Variants in SAMD3 observed in about 807,000 individuals in gnomAD.
The protein encoded by SAMD3 is sterile alpha motif domain containing 3.
SAMD3 carries 63 observed loss-of-function variants against 58.5 expected under a neutral mutation model. The observed-to-expected ratio is 1.08, with a 90% CI of 0.88 to 1.33. The LOEUF is 1.33. Ranked by LOEUF, SAMD3 falls within the 40% of genes most tolerant of loss-of-function variation. The pLI, the probability that SAMD3 is intolerant of heterozygous loss-of-function variation, is 0.00. For synonymous variants in SAMD3, 220 were observed against 210.3 expected (o/e 1.05, Z -0.40); for missense variants, 604 against 608.4 (o/e 0.99, Z 0.08).
chr6:130,156,448 A>T (rs1562375731), intron 8 of SAMD3, among the ~76,000 whole-genome samples: 1 of 152,240 alleles, frequency 6.6e-6, no homozygotes, highest in Non-Finnish European at 1.5e-5. Context: ...TCGTTCATGA[A>T]CAAAGTTGCA....
intron 2 of SAMD3, among the ~76,000 whole-genome samples, chr6:130,311,759 T>G (rs1284664557): frequency 1.3e-5 from 2 of 152,000 alleles, no homozygotes; most frequent in Non-Finnish European, 2.9e-5. Flanking sequence ...AAGAGCCAAA[T>G]GAGATGGACT....
chr6:130,161,347 G>T (rs1234522506), intron 8 of SAMD3: 1 of 151,956 alleles, frequency 6.6e-6, no homozygotes, highest in Non-Finnish European at 1.5e-5. Flanking sequence ...TATCTAAATG[G>T]CTTTCTTTCA....
chr6:130,353,014 A>G (rs1348818309), intron 1 of SAMD3, among the ~76,000 whole-genome samples: 1 of 152,194 alleles, frequency 6.6e-6, no homozygotes, highest in East Asian at 1.9e-4. Flanking sequence ...TCCTTTCTTG[A>G]CTTATTTTGG....
intron 9 of SAMD3, among the ~76,000 whole-genome samples, chr6:130,153,233 A>C (rs572984211): frequency 2.6e-5 from 4 of 152,320 alleles, no homozygotes; most frequent in Admixed American, 2.0e-4. Flanking sequence ...TACTTTTCTA[A>C]CAGCCAGAGA....
At chr6:130,185,236 G>T (rs1346678519) in intron 5 of SAMD3, among the ~76,000 whole-genome samples, 1 of 152,212 alleles carries the variant, frequency 6.6e-6, no homozygotes, top group Non-Finnish European at 1.5e-5. Context: ...GTTGCCTGGG[G>T]ATGAGGGTGG....
chr6:130,186,314 T>A (rs1018211961), intron 5 of SAMD3, among the ~76,000 whole-genome samples: 1 of 152,202 alleles, frequency 6.6e-6, no homozygotes, highest in Admixed American at 6.5e-5. Context: ...TAGGTCATCC[T>A]TTATAAGAAT....
chr6:130,216,445 A>G (rs1796007090), intron 2 of SAMD3, 126 bp downstream of exon 2: 5 of 152,218 alleles, frequency 3.3e-5, no homozygotes, highest in Admixed American at 3.3e-4. Context: ...ATCAGTCGTG[A>G]ATTTAAATTT....
chr6:130,255,164 T>C (rs950818319), intron 2 of SAMD3, among the ~76,000 whole-genome samples: 5 of 152,230 alleles, frequency 3.3e-5, no homozygotes, highest in African/African-American at 1.2e-4. Flanking sequence ...AAAATGGTAC[T>C]TTATATGATT....
intron 5 of SAMD3, among the ~76,000 whole-genome samples, chr6:130,205,919 A>G (rs986266438): frequency 1.3e-5 from 2 of 152,286 alleles, no homozygotes. Flanking sequence ...TAGGCCCTTA[A>G]TGAACAACTG....
At chr6:130,277,467 A>T (rs959759699) in intron 2 of SAMD3, among the ~76,000 whole-genome samples, 1 of 152,242 alleles carries the variant, frequency 6.6e-6, no homozygotes, top group Non-Finnish European at 1.5e-5. Flanking sequence ...GTGCTCATTG[A>T]CACTAATTGA....
In SAMD3 at chr6:130,184,135, G is replaced by A; in HGVS notation, c.622C>T (p.His208Tyr). The A allele has an allele frequency of 6.2e-7, 1 of 1,613,992 alleles. No homozygotes were observed. Among genetic ancestry groups the A allele is most frequent in the Non-Finnish European group, 8.5e-7 (1 of 1,179,914 alleles). The change falls in exon 7 of 12, where the codon CAC becomes TAC. Residue 208 changes from histidine (H) to tyrosine (Y), a missense_variant. By Grantham distance (83) the His-to-Tyr change is moderately conservative. Coordinates refer to ENST00000439090, the MANE Select transcript of SAMD3 (RefSeq NM_001017373.4). ...CAGCCATCCTCATCCAGGAAAGGGT[G>A]GGCCTGCAGCAGGGCATTAACCACG... Reference protein sequence around the residue: ...NDVVNALLQAHPFLDEDGCGF... With the variant: ...NDVVNALLQAYPFLDEDGCGF...
chr6:130,289,210 T>C (rs1195206887), intron 2 of SAMD3, among the ~76,000 whole-genome samples: 1 of 152,234 alleles, frequency 6.6e-6, no homozygotes, highest in Non-Finnish European at 1.5e-5. Context: ...CTCACTGCTC[T>C]GTGACTCAAT....
At chr6:130,197,221 C>G (rs1794210483) in intron 5 of SAMD3, among the ~76,000 whole-genome samples, 1 of 152,200 alleles carries the variant, frequency 6.6e-6, no homozygotes, top group African/African-American at 2.4e-5. Context: ...TCATTCCAGA[C>G]ACCAGACCAA....
intron 1 of SAMD3, among the ~76,000 whole-genome samples, chr6:130,342,507 A>T (rs573049748): frequency 1.3e-5 from 2 of 152,050 alleles, no homozygotes; most frequent in African/African-American, 4.8e-5. Flanking sequence ...TCTCTTTAAA[A>T]CTCACTTTAG....
chr6:130,301,208 C>T (rs538142351), intron 2 of SAMD3, among the ~76,000 whole-genome samples: 1 of 152,088 alleles, frequency 6.6e-6, no homozygotes. Context: ...TTTTCTTAAT[C>T]CAGTCTATCA....
chr6:130,187,910 CT>C (rs1252853882), intron 5 of SAMD3, among the ~76,000 whole-genome samples: 1 of 152,176 alleles, frequency 6.6e-6, no homozygotes, highest in Non-Finnish European at 1.5e-5. Flanking sequence ...AACTAGGAAG[CT>C]TTTAAAACAT....
At chr6:130,302,908 C>T (rs1164212339) in intron 2 of SAMD3, among the ~76,000 whole-genome samples, 1 of 152,076 alleles carries the variant, frequency 6.6e-6, no homozygotes, top group East Asian at 1.9e-4. Flanking sequence ...ACAATAGATA[C>T]CAGAGGCTTT....
At chr6:130,196,945 T>C (rs1794183007) in intron 5 of SAMD3, among the ~76,000 whole-genome samples, 1 of 152,192 alleles carries the variant, frequency 6.6e-6, no homozygotes, top group South Asian at 2.1e-4. Flanking sequence ...CCAGCCTTTA[T>C]TAGTCAAATC....
intron 8 of SAMD3, among the ~76,000 whole-genome samples, chr6:130,165,412 C>CA (rs977468731): frequency 1.3e-5 from 2 of 151,766 alleles, no homozygotes; most frequent in African/African-American, 4.8e-5. Flanking sequence ...AACAAACAAA[C>CA]AAAAAAACAC....
Sources: allele counts gnomAD v4.1 joint callset (sites outside exome capture counted in the v4.1 genomes callset), GRCh38; gene constraint gnomAD v4.1.1; transcripts MANE v1.5; gene names NCBI Gene and HGNC (gene_info 2026-07-23, HGNC 2026-07-21).